Variants in TENM2 observed in about 807,000 individuals in gnomAD.
TENM2 encodes the protein teneurin transmembrane protein 2, also known as teneurin-2.
TENM2 carries 52 observed loss-of-function variants against 245.2 expected under a neutral mutation model. That is an observed-to-expected ratio of 0.21 (90% CI 0.17 to 0.27). TENM2 has a LOEUF of 0.27. Among genes scored for constraint, TENM2 ranks in the 10% least tolerant of loss-of-function variants. TENM2 has a pLI of 1.00. For synonymous variants in TENM2, 1,363 were observed against 1,438.9 expected, an observed-to-expected ratio of 0.95 and a Z score of 1.19; for missense variants, 3,046 against 3,666.8, an observed-to-expected ratio of 0.83 and a Z score of 4.37.
At chr5:167,956,456 C>A (rs571678603) in intron 4 of TENM2, among the ~76,000 whole-genome samples, 1 of 152,126 alleles carries the variant, frequency 6.6e-6, no homozygotes, top group African/African-American at 2.4e-5. Flanking sequence ...ATTTGAATAC[C>A]CTTTATTTCT....
At chr5:167,708,414 C>T (rs1758683987) in intron 2 of TENM2, among the ~76,000 whole-genome samples, 1 of 152,172 alleles carries the variant, frequency 6.6e-6, no homozygotes, top group South Asian at 2.1e-4. Flanking sequence ...CCAAATTATT[C>T]CCTTTCTTCT....
At chr5:167,975,275 C>G (rs1026076987) in intron 4 of TENM2, among the ~76,000 whole-genome samples, 1 of 152,140 alleles carries the variant, frequency 6.6e-6, no homozygotes, top group Non-Finnish European at 1.5e-5. Flanking sequence ...GCCTGGGGCC[C>G]TAGGAAACCC....
chr5:167,609,488 C>CAAAAAAAAAAAAAAAAAAAAA (rs5873049), intron 2 of TENM2, among the ~76,000 whole-genome samples: 1 of 36,692 alleles, frequency 2.7e-5, no homozygotes, highest in South Asian at 1.5e-3. Context: ...CCTGATGATG[C>CAAAAAAAAAAAAAAAAAAAAA]AAAAAAAAAA....
intron 4 of TENM2, among the ~76,000 whole-genome samples, chr5:167,953,810 T>G (rs540055436): frequency 4.6e-5 from 7 of 152,214 alleles, no homozygotes; most frequent in Admixed American, 1.3e-4. Context: ...GGCCAGTGAA[T>G]TCTCTTCACA....
intron 2 of TENM2, among the ~76,000 whole-genome samples, chr5:167,688,519 A>G (rs1757223860): frequency 6.6e-6 from 1 of 152,178 alleles, no homozygotes; most frequent in Non-Finnish European, 1.5e-5. Flanking sequence ...TGTTTGAAAA[A>G]CAAAACAGAT....
the TENM2 span, among the ~76,000 whole-genome samples, chr5:167,099,634 G>T: frequency 9.2e-5 from 14 of 152,312 alleles, no homozygotes; most frequent in South Asian, 2.5e-3. Flanking sequence ...GGTGGAGGTT[G>T]CAGTGAGCTG....
chr5:167,863,004 C>A (rs1771964637), intron 2 of TENM2, among the ~76,000 whole-genome samples: 1 of 152,218 alleles, frequency 6.6e-6, no homozygotes, highest in East Asian at 1.9e-4. Context: ...TCCAACATTG[C>A]AATGACTCTA....
At chr5:167,435,398 A>C (rs527325279) in intron 2 of TENM2, among the ~76,000 whole-genome samples, 6 of 152,148 alleles carry the variant, frequency 3.9e-5, no homozygotes, top group Admixed American at 1.3e-4. Flanking sequence ...ACAAGGAGAA[A>C]CCCGTTTTGC....
the TENM2 span, among the ~76,000 whole-genome samples, chr5:166,988,014 G>A: frequency 2.0e-5 from 3 of 152,138 alleles, no homozygotes; most frequent in African/African-American, 7.2e-5. Flanking sequence ...TCAATCATTT[G>A]TGGGAAGGGT....
intron 2 of TENM2, among the ~76,000 whole-genome samples, chr5:167,866,100 G>A (rs937525167): frequency 6.6e-5 from 10 of 152,340 alleles, no homozygotes; most frequent in Admixed American, 2.0e-4. Flanking sequence ...CAAAAGCAAT[G>A]ATGAAAGTAT....
intron 2 of TENM2, among the ~76,000 whole-genome samples, chr5:167,703,077 C>G (rs1051908945): frequency 6.6e-6 from 1 of 152,216 alleles, no homozygotes; most frequent in African/African-American, 2.4e-5. Flanking sequence ...TATGCACAGG[C>G]AGAGGCACTC....
chr5:167,000,249 CAG>C, the TENM2 span, among the ~76,000 whole-genome samples: 3 of 152,194 alleles, frequency 2.0e-5, no homozygotes, highest in South Asian at 2.1e-4. Context: ...GAAAATAAAA[CAG>C]AAATTAGAAA....
At chr5:167,257,585 A>C in the TENM2 span, among the ~76,000 whole-genome samples, 6 of 151,660 alleles carry the variant, frequency 4.0e-5, no homozygotes, top group African/African-American at 1.5e-4. Flanking sequence ...CGAAGCGAAG[A>C]GTCTAGGCAA....
At chr5:167,429,841 A>G (rs1764108277) in intron 2 of TENM2, among the ~76,000 whole-genome samples, 1 of 152,100 alleles carries the variant, frequency 6.6e-6, no homozygotes. Flanking sequence ...TCCTGACCTC[A>G]GGTGATCCAC....
intron 1 of TENM2, among the ~76,000 whole-genome samples, chr5:167,319,095 C>T (rs1559110): frequency 0.58 from 88,859 of 151,946 alleles, 26,090 homozygotes; most frequent in Admixed American, 0.64. Flanking sequence ...ATGATGACTT[C>T]ATTTCACTAA....
intron 2 of TENM2, among the ~76,000 whole-genome samples, chr5:167,658,325 C>T (rs559634592): frequency 6.6e-5 from 10 of 151,876 alleles, no homozygotes; most frequent in African/African-American, 1.7e-4. Context: ...TCTCCTGCCT[C>T]GGCCTCCCAA....
intron 2 of TENM2, among the ~76,000 whole-genome samples, chr5:167,735,276 T>C (rs181755997): frequency 6.8e-4 from 103 of 152,266 alleles, no homozygotes; most frequent in African/African-American, 2.4e-3. Flanking sequence ...TGTCAAGATA[T>C]CCAAGGCAAT....
chr5:167,606,949 C>T (rs1313063597), intron 2 of TENM2, among the ~76,000 whole-genome samples: 2 of 152,112 alleles, frequency 1.3e-5, no homozygotes, highest in Admixed American at 6.6e-5. Flanking sequence ...ATTTATATAT[C>T]AGCGCTTTAA....
chr5:167,320,451 T>G (rs1232867668), intron 1 of TENM2, among the ~76,000 whole-genome samples: 1 of 152,214 alleles, frequency 6.6e-6, no homozygotes, highest in Non-Finnish European at 1.5e-5. Flanking sequence ...TTGCCTTCTT[T>G]TCTTTTGATA....
Sources: gnomAD v4.1 joint callset for allele counts (sites outside exome capture counted in the v4.1 genomes callset) on GRCh38, gnomAD v4.1.1 for gene constraint, MANE v1.5 for transcripts, NCBI Gene and HGNC (gene_info 2026-07-23, HGNC 2026-07-21) for gene names.